The following PER2 variants were observed in gnomAD, a reference collection of about 807,000 sequenced individuals.
PER2 encodes period circadian protein homolog 2.
A neutral mutation model predicts 121.0 loss-of-function variants in PER2; 66 were observed. The ratio of observed to expected loss-of-function variants is 0.55; its 90% CI spans 0.45 to 0.67. PER2 has a LOEUF of 0.67. Among genes scored for constraint, PER2 ranks in the 30% least tolerant of loss-of-function variants. The pLI is 0.00. For missense variants in PER2, 1,521 were observed against 1,635.0 expected, an observed-to-expected ratio of 0.93 and a Z score of 1.20; for synonymous variants, 684 against 659.9, an observed-to-expected ratio of 1.04 and a Z score of -0.56.
At position 238,258,338 on chromosome 2, in the gene PER2, A is replaced by G. The variant is rs986650526; in HGVS notation, c.1838T>C (p.Val613Ala). ...LKRKCEFPAN[V>A]PALRSSDKRK... is the part of the protein sequence containing the mutation. ...CTTATCACTGGACCTTAGCGCTGGG[A>G]CGTTTGCTGGGAACTCGCATTTCCT... Residue 613 changes from valine (V) to alanine (A), a missense_variant, in exon 16 of 23, where the codon GTC (valine) becomes GCC (alanine). Transcript: ENST00000254657. 2 of 1,613,990 alleles carry G rather than the reference A, an allele frequency of 1.2e-6. No individual in the cohort carries two copies. Among genetic ancestry groups the G allele is most frequent in the Admixed American group, 1.7e-5 (1 of 59,996 alleles).
At chr2:238,292,559 G>C (rs144265553), upstream of PER2, among the ~76,000 whole-genome samples, 1 of 152,178 alleles carries the variant, frequency 6.6e-6, no homozygotes, top group African/African-American at 2.4e-5. Context: ...GTTCCACCCT[G>C]GGGGAGGAAG....
rs374691495 is a variant in PER2 at position 238,263,110 on chromosome 2, A to G, written c.1047-52T>C. On this transcript the variant is annotated intron_variant, in intron 9 of 22. Coordinates refer to ENST00000254657, the MANE Select transcript of PER2 (RefSeq NM_022817.3). ...GATTGGCATCCAAACAGATGAGGAG[A>G]TTGTCACTAAGAACCATCTTATTCC... is the stretch of plus-strand genomic sequence containing the variant. 1.5e-5 allele frequency: 16 copies of G among 1,058,992 alleles called. No homozygotes were observed. The African/African-American group carries it at 1.9e-4, about 12-fold the overall frequency. 65.6% of individuals were successfully genotyped at this position (1,058,992 alleles called of 1,614,324 possible).
At chr2:238,249,360 TC>T in intron 21 of PER2, 148 bp from the exon 22 acceptor site, 1 of 731,712 alleles carries the variant, frequency 1.4e-6, no homozygotes, top group Admixed American at 2.8e-5. Context: ...TAACTTAATC[TC>T]CCTAGTAAAG....
chr2:238,256,170 T>C (rs935668300), intron 17 of PER2, among the ~76,000 whole-genome samples: 1 of 152,180 alleles, frequency 6.6e-6, no homozygotes, highest in Non-Finnish European at 1.5e-5. Context: ...TGGGGAACCT[T>C]GGGCTTCAGC....
intron 14 of PER2, among the ~76,000 whole-genome samples, chr2:238,259,750 G>A (rs1333123985): frequency 6.6e-6 from 1 of 152,232 alleles, no homozygotes; most frequent in Non-Finnish European, 1.5e-5. Flanking sequence ...AGGGCATCAG[G>A]TGCCCAGTGT....
chr2:238,248,221 G>A (rs934935068), intron 22 of PER2, among the ~76,000 whole-genome samples: 5 of 152,206 alleles, frequency 3.3e-5, no homozygotes, highest in Admixed American at 6.5e-5. Flanking sequence ...GGAGAGAGCC[G>A]CTCACTGCTG....
chr2:238,270,530 G>A (rs1378608293), intron 6 of PER2, among the ~76,000 whole-genome samples: 1 of 152,172 alleles, frequency 6.6e-6, no homozygotes, highest in Non-Finnish European at 1.5e-5. Context: ...TATAAAATCA[G>A]CAGCTTGGAA....
chr2:238,287,290 T>G (rs1484568657), intron 1 of PER2, among the ~76,000 whole-genome samples: 3 of 152,242 alleles, frequency 2.0e-5, no homozygotes, highest in African/African-American at 7.2e-5. Flanking sequence ...AGTCCCTTTC[T>G]TCATTATAGT....
At chr2:238,280,141 G>A (rs1696586511) in intron 1 of PER2, among the ~76,000 whole-genome samples, 1 of 152,180 alleles carries the variant, frequency 6.6e-6, no homozygotes, top group African/African-American at 2.4e-5. Context: ...CTAGAAACCA[G>A]CCAGCAATAC....
In PER2 at chr2:238,275,776, T is replaced by C. The variant is rs1559334486; in HGVS notation, c.415A>G (p.Lys139Glu). ...TGCTTCACGCTCCTGAGGGCGTACTTCAAGGTGGCCAGCGTACTGGCCTTG... is the reference window on the plus strand; with the variant it reads ...TGCTTCACGCTCCTGAGGGCGTACTCCAAGGTGGCCAGCGTACTGGCCTTG... ...KGKASTLATL[K>E]YALRSVKQVK... is the part of the protein sequence containing the mutation. The change falls in exon 4 of 23, where the codon AAG becomes GAG. Residue 139 changes from lysine (K) to glutamate (E), a missense_variant. Physicochemically the swap from Lys to Glu is moderately conservative, Grantham distance 56. Coordinates refer to ENST00000254657, the MANE Select transcript of PER2 (RefSeq NM_022817.3). 6.2e-7 allele frequency: 1 copy of C among 1,614,224 alleles called. No homozygotes were observed. The highest frequency in any genetic ancestry group is 8.5e-7 in the Non-Finnish European group (1 of 1,180,018).
At chr2:238,293,248 A>G (rs1449667817), upstream of PER2, among the ~76,000 whole-genome samples, 6 of 152,240 alleles carry the variant, frequency 3.9e-5, no homozygotes, top group African/African-American at 1.4e-4. Context: ...GACAAAAAAT[A>G]TAAATGAATA....
upstream of PER2, among the ~76,000 whole-genome samples, chr2:238,292,052 G>A (rs1488765037): frequency 6.6e-6 from 1 of 152,218 alleles, no homozygotes; most frequent in Non-Finnish European, 1.5e-5. Context: ...CAGCCACTTG[G>A]GAGGCTGAGG....
intron 1 of PER2, among the ~76,000 whole-genome samples, chr2:238,280,703 G>A (rs532883339): frequency 1.2e-4 from 18 of 152,198 alleles, no homozygotes; most frequent in Admixed American, 9.2e-4. Context: ...GAGGACAGCC[G>A]GGTTTTACCT....
Position 238,262,409 on chromosome 2 carries a change from A to C in PER2, c.1154-65T>G, listed in dbSNP as rs1695964409. On this transcript the variant is annotated intron_variant, in intron 10 of 22. Transcript: ENST00000254657. ...CAAACAGGATTTATAGTAGAGAGAG[A>C]CAAGTCAAGAGTCACTCAGGCCCAG... 44 of 1,530,724 alleles carry C rather than the reference A, an allele frequency of 2.9e-5. 1 individual carries two copies. In the South Asian group the frequency reaches 4.8e-4, roughly 17 times the overall value. The allele number at this position is 1,530,724 out of a possible 1,614,324, so 94.8% of individuals were successfully genotyped here. A position where few individuals can be genotyped will look rare whatever the true frequency, so the allele number is the denominator to read the frequency against.
At chr2:238,290,288 C>G (rs1036356638), upstream of PER2, among the ~76,000 whole-genome samples, 1 of 152,038 alleles carries the variant, frequency 6.6e-6, no homozygotes, top group Admixed American at 6.5e-5. Context: ...ACACTCCCCG[C>G]CCCCTCTCCC....
Position 238,253,395 on chromosome 2 carries a change from G to A in PER2, c.2628C>T (p.Phe876=), listed in dbSNP as rs1201839576. 5.0e-6 allele frequency: 8 copies of A among 1,611,248 alleles called. No individual in the cohort carries two copies. Among genetic ancestry groups the A allele is most frequent in the Non-Finnish European group, 6.8e-6 (8 of 1,178,080 alleles). Residue 876 remains phenylalanine (F), a synonymous_variant, in exon 19 of 23, where the codon TTC becomes TTT. Transcript: ENST00000254657. The surrounding 1 kb of genome is among the most constrained non-coding windows in gnomAD (Gnocchi z 5.6). ...AAPPAPPHAS[F]TVPAVPVDLQ... is the part of the protein sequence containing the mutation. ...GGTCCACGGGCACAGCAGGCACTGT[G>A]AAGCTGGCGTGGGGAGGTGCCGGGG...
the PER2 span, chr2:238,295,719 C>G: frequency 6.4e-6 from 1 of 156,160 alleles, no homozygotes; most frequent in Admixed American, 6.4e-5. Flanking sequence ...CATCTTCTCG[C>G]TCCTCCTCAA....
Position 238,253,073 on chromosome 2 carries a change from G to A in PER2, c.2950C>T (p.Arg984Cys), listed in dbSNP as rs370891039. The A allele has an allele frequency of 1.2e-4, 194 of 1,612,410 alleles. No individual in the cohort carries two copies. The highest frequency in any genetic ancestry group is 1.5e-4 in the Non-Finnish European group (180 of 1,178,838). The change falls in exon 19 of 23, where the codon CGC (arginine) becomes TGC (cysteine). Residue 984 changes from arginine to cysteine, a missense_variant. Physicochemically the swap from Arg to Cys is radical, Grantham distance 180. Transcript: ENST00000254657. The surrounding 1 kb of genome is among the most constrained non-coding windows in gnomAD (Gnocchi z 5.6). ...TTGAGCTGCAGGGGCGAGCTGCTGC[G>A]GGACTGAAAGAGCGGTGGGGAGGCC... Reference protein sequence around the residue: ...GRASPPLFQSRSSSPLQLNLL... With the variant: ...GRASPPLFQSCSSSPLQLNLL...
chr2:238,249,239 A>T, intron 21 of PER2, 27 bp from the exon 22 acceptor site: 1 of 1,606,998 alleles, frequency 6.2e-7, no homozygotes, highest in African/African-American at 1.3e-5. Flanking sequence ...GAAATCGGTA[A>T]GCTTTCAAAT....
Sources: allele counts gnomAD v4.1 joint callset (sites outside exome capture counted in the v4.1 genomes callset), GRCh38; gene constraint gnomAD v4.1.1; non-coding constraint Gnocchi (gnomAD v3.1); transcripts MANE v1.5; gene names NCBI Gene and HGNC (gene_info 2026-07-23, HGNC 2026-07-21).